The following RNF125 variants were observed in gnomAD, a reference collection of about 807,000 sequenced individuals.
RNF125 encodes E3 ubiquitin-protein ligase RNF125.
Under a neutral mutation model 26.0 loss-of-function variants are expected in RNF125, and 21 were observed. The observed-to-expected ratio is 0.81, with a 90% confidence interval of 0.57 to 1.16. The LOEUF is 1.16. Among genes scored for constraint, RNF125 ranks in the 50% most tolerant of loss-of-function variants. The pLI is 0.00. For synonymous variants in RNF125, 95 were observed against 109.2 expected (o/e 0.87, Z 0.81); for missense variants, 270 against 299.4 (o/e 0.90, Z 0.72).
At chr18:32,082,470 T>G in the RNF125 span, among the ~76,000 whole-genome samples, 4 of 152,242 alleles carry the variant, frequency 2.6e-5, no homozygotes, top group Non-Finnish European at 5.9e-5. Flanking sequence ...TTCAGGATGC[T>G]GTGAATTCAG....
At chr18:32,056,594 C>T (rs1255840689) in intron 4 of RNF125, among the ~76,000 whole-genome samples, 1 of 136,784 alleles carries the variant, frequency 7.3e-6, no homozygotes, top group Non-Finnish European at 1.5e-5. Flanking sequence ...GCACTCTAGC[C>T]TGGGCAAAAA....
At chr18:32,075,693 CAAAAAAAAAA>C (rs759960735), downstream of RNF125, among the ~76,000 whole-genome samples, 1 of 92,158 alleles carries the variant, frequency 1.1e-5, no homozygotes. Flanking sequence ...AACTCCATCT[CAAAAAAAAAA>C]AAAAAAAAAG....
downstream of RNF125, chr18:32,076,105 C>T: frequency 1.5e-6 from 1 of 645,880 alleles, no homozygotes; most frequent in East Asian, 2.9e-5. Context: ...CTTCCCAGCT[C>T]TGATCATCAA....
chr18:32,086,567 C>T, the RNF125 span, among the ~76,000 whole-genome samples: 1 of 151,766 alleles, frequency 6.6e-6, no homozygotes, highest in Non-Finnish European at 1.5e-5. Context: ...GTTGCCCAGG[C>T]TGGAGTGCAA....
At chr18:32,087,765 G>A in the RNF125 span, among the ~76,000 whole-genome samples, 1 of 152,116 alleles carries the variant, frequency 6.6e-6, no homozygotes, top group African/African-American at 2.4e-5. Context: ...TGTAAAAAGA[G>A]CATGGTCTTA....
intron 4 of RNF125, among the ~76,000 whole-genome samples, chr18:32,054,086 C>CTTTTTT (rs35616121): frequency 1.1e-4 from 10 of 88,362 alleles, no homozygotes; most frequent in Non-Finnish European, 1.7e-4. Flanking sequence ...GACATTTGTA[C>CTTTTTT]TTTTTTTTTT....
In RNF125 at chr18:32,025,714, G is replaced by A. The variant is rs1032748349; in HGVS notation, c.164+6687G>A. On this transcript the variant is annotated intron_variant, in intron 1 of 5. Coordinates refer to ENST00000217740, the MANE Select transcript of RNF125 (RefSeq NM_017831.4). ...GAAGACAGAGGACCCCCAAAGAGGGGCGATTGGTGGCTTTTGTGTTTGTGT... is the reference window on the plus strand; with the variant it reads ...GAAGACAGAGGACCCCCAAAGAGGGACGATTGGTGGCTTTTGTGTTTGTGT... Among the ~76,000 whole-genome samples, 7 of 151,354 alleles carry A rather than the reference G, an allele frequency of 4.6e-5. No homozygotes were observed. The East Asian group carries it at 1.4e-3, about 29-fold the overall frequency.
chr18:32,041,950 C>T, intron 2 of RNF125: 1 of 465,468 alleles, frequency 2.1e-6, no homozygotes, highest in Non-Finnish European at 3.9e-6. Context: ...TTTAGAAGAA[C>T]CAAATTCAAG....
At chr18:32,090,678 C>T in the RNF125 span, among the ~76,000 whole-genome samples, 1 of 152,150 alleles carries the variant, frequency 6.6e-6, no homozygotes, top group African/African-American at 2.4e-5. Context: ...TTTTTTCTCT[C>T]TCATTCTGAT....
chr18:32,090,339 G>C, the RNF125 span, among the ~76,000 whole-genome samples: 1 of 152,178 alleles, frequency 6.6e-6, no homozygotes, highest in African/African-American at 2.4e-5. Context: ...AAAAGCACCT[G>C]AACTACTGCT....
rs997714173 is a variant in RNF125, at chr18:32,071,777, A to G, written c.*3393A>G. ...AGCTGAATGAAATCTAGTGAGCCTC[A>G]TATCCTCCCTTTTAGATATTGATTT... On this transcript the variant is annotated 3_prime_UTR_variant, in exon 6 of 6. Transcript: ENST00000217740. 1 of 152,220 alleles carries G rather than the reference A, an allele frequency of 6.6e-6. No homozygotes were observed. The highest frequency in any genetic ancestry group is 1.5e-5 in the Non-Finnish European group (1 of 68,038). The allele number at this position is 152,220 out of a possible 1,614,324, so 9.4% of individuals were successfully genotyped here.
In RNF125 at chr18:32,055,935, T is replaced by C. The variant is rs552420662; in HGVS notation, c.505-9967T>C. Among the ~76,000 whole-genome samples the C allele has an allele frequency of 1.7e-3, 214 of 122,884 alleles. 1 individual carries two copies. Among genetic ancestry groups the C allele is most frequent in the African/African-American group, 6.6e-3 (207 of 31,250 alleles). The allele number at this position is 122,884 out of a possible 152,430, so 80.6% of individuals were successfully genotyped here. ...CGGAGGTTGCAGTGAGCCGAGATCATGCCATTGCACTCCAGCCTGGGTAAC... is the reference window on the plus strand; with the variant it reads ...CGGAGGTTGCAGTGAGCCGAGATCACGCCATTGCACTCCAGCCTGGGTAAC... On this transcript the variant is annotated intron_variant, in intron 4 of 5. Coordinates refer to ENST00000217740, the MANE Select transcript of RNF125 (RefSeq NM_017831.4).
chr18:32,022,728 A>T (rs1280747348), intron 1 of RNF125, among the ~76,000 whole-genome samples: 1 of 152,170 alleles, frequency 6.6e-6, no homozygotes, highest in Non-Finnish European at 1.5e-5. Flanking sequence ...AGACCTTCGT[A>T]GGTGTCAGAC....
intron 1 of RNF125, among the ~76,000 whole-genome samples, chr18:32,032,845 C>T (rs2039112012): frequency 6.6e-6 from 1 of 151,826 alleles, no homozygotes; most frequent in Admixed American, 6.6e-5. Flanking sequence ...CAGAGCAAGA[C>T]ATCTGGCAAA....
chr18:32,042,461 TTTAAA>T (rs2039230894), intron 3 of RNF125, among the ~76,000 whole-genome samples, 188 bp downstream of exon 3: 1 of 152,224 alleles, frequency 6.6e-6, no homozygotes, highest in African/African-American at 2.4e-5. Context: ...CACTGTCTAC[TTTAAA>T]AATTTCCAGG....
chr18:32,035,748 A>C (rs1309109265), intron 1 of RNF125, among the ~76,000 whole-genome samples: 1 of 152,234 alleles, frequency 6.6e-6, no homozygotes, highest in Non-Finnish European at 1.5e-5. Flanking sequence ...AAGGATGGTA[A>C]GCAGGGATGA....
At chr18:32,090,254 A>G in the RNF125 span, among the ~76,000 whole-genome samples, 30 of 152,300 alleles carry the variant, frequency 2.0e-4, no homozygotes, top group African/African-American at 6.7e-4. Flanking sequence ...TCAAAAGAAA[A>G]AAGAAAAAAA....
At chr18:32,059,669 G>A (rs906271402) in intron 4 of RNF125, among the ~76,000 whole-genome samples, 8 of 152,094 alleles carry the variant, frequency 5.3e-5, no homozygotes, top group African/African-American at 1.4e-4. Context: ...TGTTTGTGGG[G>A]TATTATTCCA....
downstream of RNF125, chr18:32,076,201 C>T (rs2039569338): frequency 2.0e-6 from 1 of 493,620 alleles, no homozygotes; most frequent in Admixed American, 2.8e-5. Flanking sequence ...CAATAAGAAC[C>T]TGGTGTTTGC....
Sources: gnomAD v4.1 joint callset for allele counts (sites outside exome capture counted in the v4.1 genomes callset) on GRCh38, gnomAD v4.1.1 for gene constraint, MANE v1.5 for transcripts, NCBI Gene and HGNC (gene_info 2026-07-23, HGNC 2026-07-21) for gene names.